VWA8: variants seen among roughly 807,000 people sequenced by gnomAD.
VWA8 encodes the protein von Willebrand factor A domain-containing protein 8.
A neutral mutation model predicts 241.5 loss-of-function variants in VWA8; 221 were observed. The ratio of observed to expected loss-of-function variants is 0.91; its 90% CI spans 0.82 to 1.02. The LOEUF (loss-of-function observed/expected upper bound fraction) is 1.02. VWA8 is among the 50% of genes least tolerant of loss of function. The pLI, the probability that VWA8 is intolerant of heterozygous loss-of-function variation, is 0.00. For synonymous variants in VWA8, 852 were observed against 827.1 expected (o/e 1.03, Z -0.52); for missense variants, 2,322 against 2,328.7 (o/e 1.00, Z 0.06).
chr13:41,720,069 G>A lies in VWA8; in HGVS notation c.2965-327C>T, dbSNP rs1275447876. On this transcript the variant is annotated intron_variant, in intron 25 of 44. Transcript: ENST00000379310. ...CTGCCTTTAATATGAGTACCAGATC[G>A]AACAGTTTAAAAATGCTAGTTATGT... is the stretch of plus-strand genomic sequence containing the variant. Among the ~76,000 whole-genome samples the A allele has an allele frequency of 2.6e-5, 4 of 152,150 alleles. No individual in the cohort carries two copies. The East Asian group carries it at 7.7e-4, about 29-fold the overall frequency.
intron 3 of VWA8, among the ~76,000 whole-genome samples, chr13:41,908,453 C>T (rs1013376256): frequency 2.0e-5 from 3 of 151,806 alleles, no homozygotes; most frequent in Admixed American, 1.3e-4. Context: ...GCCTGGGCAA[C>T]AAAGCAAGAC....
In VWA8 at chr13:41,950,002, T is replaced by C. The variant is rs1411187566; in HGVS notation, c.175A>G (p.Asn59Asp). The C allele has an allele frequency of 6.3e-7, 1 of 1,579,046 alleles. No homozygotes were observed. The highest frequency in any genetic ancestry group is 8.6e-7 in the Non-Finnish European group (1 of 1,158,168). ...GSGADTGDTVNIGDVSYKLKI... is the reference protein window; with the variant it reads ...GSGADTGDTVDIGDVSYKLKI... The stretch of plus-strand genomic sequence containing the variant: ...AACTTGTAGGATACATCTCCAATAT[T>C]AACTGTATCACCTAAAAAGAGATTT... Residue 59 changes from asparagine to aspartate, a missense_variant, in exon 2 of 45, where the codon AAT (asparagine) becomes GAT (aspartate). Transcript: ENST00000379310.
At chr13:41,678,511 A>C (rs757258319) in intron 35 of VWA8, among the ~76,000 whole-genome samples, 6 of 152,206 alleles carry the variant, frequency 3.9e-5, no homozygotes, top group Non-Finnish European at 7.3e-5. Context: ...AAGAGTGACC[A>C]GTTACTGAAG....
At chr13:41,718,409 C>A (rs1195849935) in intron 26 of VWA8, among the ~76,000 whole-genome samples, 1 of 151,778 alleles carries the variant, frequency 6.6e-6, no homozygotes, top group Non-Finnish European at 1.5e-5. Flanking sequence ...ACTGCTAATC[C>A]ATCAGTAAAA....
intron 2 of VWA8, among the ~76,000 whole-genome samples, chr13:41,918,838 A>C (rs1190609816): frequency 6.6e-6 from 1 of 152,222 alleles, no homozygotes; most frequent in Non-Finnish European, 1.5e-5. Flanking sequence ...TCATTTTTTA[A>C]AACACTAGAT....
At position 41,784,737 on chromosome 13, in the gene VWA8, C is replaced by CATATATATATATATAT. The variant is rs772223346; in HGVS notation, c.2171-852_2171-837dup. Among the ~76,000 whole-genome samples the CATATATATATATATAT allele has an allele frequency of 5.0e-4, 36 of 72,566 alleles. 1 individual carries two copies. The highest frequency in any genetic ancestry group is 1.1e-3 in the South Asian group (2 of 1,754). The allele number at this position is 72,566 out of a possible 152,430, so 47.6% of individuals were successfully genotyped here. On this transcript the variant is annotated intron_variant, in intron 18 of 44. Transcript: ENST00000379310. ...ATATATATATATATATATACACACACATATATATATATATATATATATATA... is the reference window on the plus strand; with the variant it reads ...ATATATATATATATATATACACACACATATATATATATATATATATATATATATATATATATATATA...
At chr13:41,679,121 T>C (rs1489046344) in intron 35 of VWA8, among the ~76,000 whole-genome samples, 1 of 152,194 alleles carries the variant, frequency 6.6e-6, no homozygotes, top group Non-Finnish European at 1.5e-5. Context: ...TAAATTTCCA[T>C]TACATTTATA....
chr13:41,623,742 C>A (rs2044671927), intron 37 of VWA8, among the ~76,000 whole-genome samples: 1 of 152,144 alleles, frequency 6.6e-6, no homozygotes, highest in Non-Finnish European at 1.5e-5. Flanking sequence ...AGATTTCTCA[C>A]ACAGGATCTT....
intron 9 of VWA8, among the ~76,000 whole-genome samples, chr13:41,876,813 A>T (rs548595017): frequency 6.7e-6 from 1 of 149,766 alleles, no homozygotes; most frequent in South Asian, 2.1e-4. Flanking sequence ...GTTGTTCCCA[A>T]TGCTCTCTAA....
At chr13:41,640,751 C>T (rs1443671502) in intron 37 of VWA8, among the ~76,000 whole-genome samples, 15 of 152,124 alleles carry the variant, frequency 9.9e-5, no homozygotes, top group Non-Finnish European at 1.5e-5. Context: ...ATTTCAAAGT[C>T]TGAAATTTTT....
intron 37 of VWA8, among the ~76,000 whole-genome samples, chr13:41,650,583 C>T (rs1275944287): frequency 1.3e-5 from 2 of 152,198 alleles, no homozygotes; most frequent in Non-Finnish European, 2.9e-5. Context: ...CTCGTAAAAG[C>T]TTTAAATAGC....
chr13:41,704,462 A>AT (rs1566421929), intron 26 of VWA8, among the ~76,000 whole-genome samples: 2 of 149,118 alleles, frequency 1.3e-5, no homozygotes, highest in Non-Finnish European at 3.0e-5. Flanking sequence ...TTAAGTCTTC[A>AT]CTTTTTTTTT....
intron 17 of VWA8, among the ~76,000 whole-genome samples, chr13:41,795,282 A>G (rs1869640234): frequency 6.6e-6 from 1 of 152,210 alleles, no homozygotes; most frequent in South Asian, 2.1e-4. Context: ...CAATTAGTAA[A>G]AAGTCAATAA....
chr13:41,930,102 G>A (rs754072919), intron 2 of VWA8, among the ~76,000 whole-genome samples: 1 of 152,106 alleles, frequency 6.6e-6, no homozygotes, highest in Non-Finnish European at 1.5e-5. Context: ...GTGTAAAAAT[G>A]GCCAACAGGT....
intron 20 of VWA8, among the ~76,000 whole-genome samples, chr13:41,777,533 C>G (rs148927480): frequency 0.013 from 2,005 of 152,238 alleles, 23 homozygotes; most frequent in Middle Eastern, 0.051. Flanking sequence ...GTACTGAAGA[C>G]TCAGACTATA....
chr13:41,930,241 G>C (rs1006242805), intron 2 of VWA8, among the ~76,000 whole-genome samples: 2 of 152,184 alleles, frequency 1.3e-5, no homozygotes, highest in East Asian at 3.8e-4. Flanking sequence ...TGTCGGCAAG[G>C]GTGTGGAGAA....
intron 20 of VWA8, among the ~76,000 whole-genome samples, chr13:41,772,947 G>GCTCT (rs2045835593): frequency 6.6e-6 from 1 of 152,182 alleles, no homozygotes; most frequent in African/African-American, 2.4e-5. Context: ...AGTTGCCACT[G>GCTCT]GTAACAGAGC....
intron 19 of VWA8, 65 bp downstream of exon 19, chr13:41,783,730 C>A: frequency 9.2e-7 from 1 of 1,085,400 alleles, no homozygotes; most frequent in South Asian, 1.5e-5. Flanking sequence ...GTCAATTTCA[C>A]TTGAATTGGA....
At chr13:41,691,767 C>T in intron 31 of VWA8, 107 bp downstream of exon 31, 3 of 897,018 alleles carry the variant, frequency 3.3e-6, no homozygotes, top group Non-Finnish European at 5.2e-6. Flanking sequence ...TTAAAACATT[C>T]ATAATTTGGT....
Sources: allele counts gnomAD v4.1 joint callset (sites outside exome capture counted in the v4.1 genomes callset), GRCh38; gene constraint gnomAD v4.1.1; transcripts MANE v1.5; gene names NCBI Gene and HGNC (gene_info 2026-07-23, HGNC 2026-07-21).